LRIT3: variants seen among roughly 807,000 people sequenced by gnomAD.
The protein encoded by LRIT3 is leucine-rich repeat, immunoglobulin-like domain and transmembrane domain-containing protein 3.
A neutral mutation model predicts 22.6 loss-of-function variants in LRIT3; 14 were observed. That is an observed-to-expected ratio of 0.62 (90% CI 0.41 to 0.97). LRIT3 has a LOEUF of 0.97. Among genes scored for constraint, LRIT3 ranks in the 50% least tolerant of loss-of-function variants. LRIT3 has a pLI of 0.00. For synonymous variants in LRIT3, 306 were observed against 304.5 expected, an observed-to-expected ratio of 1.01 and a Z score of -0.05; for missense variants, 783 against 803.0, an observed-to-expected ratio of 0.98 and a Z score of 0.30.
chr4:109,851,624 C>T lies in LRIT3; in HGVS notation c.237C>T (p.Tyr79=). 1.3e-6 allele frequency: 2 copies of T among 1,551,728 alleles called. No homozygotes were observed. The highest frequency in any genetic ancestry group is 4.9e-5 in the East Asian group (2 of 40,910). The change falls in exon 2 of 4, where the codon TAC becomes TAT. Residue 79 remains tyrosine, a synonymous_variant. Coordinates refer to ENST00000594814, the MANE Select transcript of LRIT3 (RefSeq NM_198506.5). ...IRRISAEAFY[Y]LVELQYLWVT... ...GAATCTCTGCGGAGGCCTTCTATTA[C>T]CTGGTGGAGCTCCAGTATCTCTGGG...
In LRIT3 at chr4:109,851,942, AGTC is replaced by A. The variant is rs1259342232; in HGVS notation, c.556_558del (p.Val186del). The A allele has an allele frequency of 6.4e-7, 1 of 1,550,452 alleles. No homozygotes were observed. The highest frequency in any genetic ancestry group is 2.4e-5 in the East Asian group (1 of 40,906). ...CTCATTTAGTTTCAACACCTTCTGG[AGTC>A]CTGGACCTTTCCCCAAGCAGGATTA... On this transcript the variant is annotated inframe_deletion, in exon 2 of 4. Transcript: ENST00000594814.
Position 109,871,051 on chromosome 4 carries a change from A to T in LRIT3, c.*262A>T. ...TAAATTATTAATACTTTTTAGGGTAATGTTTTAGTTCTTAAAAATAAGTTC... is the reference window on the plus strand; with the variant it reads ...TAAATTATTAATACTTTTTAGGGTATTGTTTTAGTTCTTAAAAATAAGTTC... On this transcript the variant is annotated 3_prime_UTR_variant, in exon 4 of 4. Transcript: ENST00000594814. The T allele has an allele frequency of 3.2e-6, 1 of 309,314 alleles. No individual in the cohort carries two copies. The highest frequency in any genetic ancestry group is 5.8e-6 in the Non-Finnish European group (1 of 170,974). 19.2% of individuals were successfully genotyped at this position (309,314 alleles called of 1,614,324 possible).
In LRIT3 at chr4:109,870,103, T is replaced by G. The variant is rs747373676; in HGVS notation, c.1354T>G (p.Leu452Val). 6.2e-7 allele frequency: 1 copy of G among 1,613,890 alleles called. No homozygotes were observed. The highest frequency in any genetic ancestry group is 1.3e-5 in the African/African-American group (1 of 74,868). ...GCTCCACCAAGGTGGGAAAAGAAAT[T>G]TAAAGGTGGCAAAGAATGGAAGTAA... ...FQLHQGGKRN[L>V]KVAKNGSKLP... Residue 452 changes from leucine (L) to valine (V), a missense_variant, in exon 4 of 4, where the codon TTA (leucine) becomes GTA (valine). Physicochemically the swap from Leu to Val is conservative, Grantham distance 32. Coordinates refer to ENST00000594814, the MANE Select transcript of LRIT3 (RefSeq NM_198506.5).
chr4:109,859,357 G>A (rs1734480294), intron 2 of LRIT3, among the ~76,000 whole-genome samples: 1 of 152,186 alleles, frequency 6.6e-6, no homozygotes, highest in Non-Finnish European at 1.5e-5. Flanking sequence ...ACATCTGTAT[G>A]CAGAAGTACA....
rs113098639 is a variant in LRIT3, at chr4:109,867,946, G to C, written c.895G>C (p.Val299Leu). 49 of 1,604,628 alleles carry C rather than the reference G, an allele frequency of 3.1e-5. No homozygotes were observed. In the African/African-American group the frequency reaches 6.4e-4, roughly 21 times the overall value. The stretch of plus-strand genomic sequence containing the variant: ...TGACAGCTCGCCAGTTAATTATACA[G>C]GTATTTTCTTAATTCAGCCCCATGA... ...RSDSSPVNYT[V>L]IQESPEEGVR... The change falls in exon 3 of 4, where the codon GTA becomes CTA. Residue 299 changes from valine to leucine, a missense_variant and splice_region_variant. By Grantham distance (32) the Val-to-Leu change is conservative. This residue lies in a region of LRIT3 where 756 missense variants were observed against 753.8 expected (regional missense o/e 1.00). Transcript: ENST00000594814.
chr4:109,848,346 T>C (rs140857303), intron 1 of LRIT3, 29 bp downstream of exon 1: 3 of 1,173,574 alleles, frequency 2.6e-6, no homozygotes, highest in Non-Finnish European at 3.2e-6. Context: ...TACTAAGTGT[T>C]CTCATTATTT....
chr4:109,856,355 T>A (rs1225567539), intron 2 of LRIT3, among the ~76,000 whole-genome samples: 3 of 152,200 alleles, frequency 2.0e-5, no homozygotes, highest in African/African-American at 7.2e-5. Context: ...GATTGAATAA[T>A]ATTTTTTCCA....
intron 2 of LRIT3, among the ~76,000 whole-genome samples, chr4:109,862,806 C>T (rs550613492): frequency 6.6e-6 from 1 of 152,192 alleles, no homozygotes; most frequent in Non-Finnish European, 1.5e-5. Flanking sequence ...AACTCAGCCT[C>T]CTGGTAGCTG....
rs1389976727 is a variant in LRIT3 at position 109,851,951 on chromosome 4, C to T, written c.564C>T (p.Asp188=). The T allele has an allele frequency of 6.5e-7, 1 of 1,548,826 alleles. No homozygotes were observed. Among genetic ancestry groups the T allele is most frequent in the African/African-American group, 1.4e-5 (1 of 72,834 alleles). The change falls in exon 2 of 4, where the codon GAC becomes GAT. Residue 188 remains aspartate, a synonymous_variant. Coordinates refer to ENST00000594814, the MANE Select transcript of LRIT3 (RefSeq NM_198506.5). ...TTTCAACACCTTCTGGAGTCCTGGA[C>T]CTTTCCCCAAGCAGGATTATTCTTG... The part of the protein sequence containing the change: ...HLVSTPSGVL[D]LSPSRIILGL...
At chr4:109,866,670 C>T (rs1214899328) in intron 2 of LRIT3, among the ~76,000 whole-genome samples, 3 of 152,082 alleles carry the variant, frequency 2.0e-5, no homozygotes, top group Non-Finnish European at 4.4e-5. Context: ...TTTGATTTTC[C>T]ATGTGGACCA....
intron 2 of LRIT3, among the ~76,000 whole-genome samples, chr4:109,854,581 G>A (rs1351132572): frequency 6.6e-6 from 1 of 152,114 alleles, no homozygotes; most frequent in Non-Finnish European, 1.5e-5. Flanking sequence ...TTGCCTGATT[G>A]CCCTGGCCAG....
intron 1 of LRIT3, among the ~76,000 whole-genome samples, chr4:109,849,825 C>T (rs1212357930): frequency 1.3e-5 from 2 of 152,092 alleles, no homozygotes; most frequent in Admixed American, 1.3e-4. Context: ...GTTGGCCAGG[C>T]TGGTCTCAAA....
At chr4:109,866,246 C>G (rs1734677352) in intron 2 of LRIT3, among the ~76,000 whole-genome samples, 1 of 152,096 alleles carries the variant, frequency 6.6e-6, no homozygotes, top group Admixed American at 6.6e-5. Context: ...ATAATCCACT[C>G]CATTAGTAAA....
intron 2 of LRIT3, among the ~76,000 whole-genome samples, chr4:109,862,115 G>A (rs112469478): frequency 1.6e-4 from 24 of 152,248 alleles, no homozygotes; most frequent in African/African-American, 4.8e-4. Flanking sequence ...AGTAGGCATA[G>A]TCTTTGCCTT....
chr4:109,869,827 A>G lies in LRIT3; in HGVS notation c.1078A>G (p.Arg360Gly), dbSNP rs1734778996. ...TCCAATACCACCAGACACTTCTGAA[A>G]GAACTGGAGATCATCCTGAGTGGGA... ...TTPIPPDTSE[R>G]TGDHPEWDVQ... Residue 360 changes from arginine to glycine, a missense_variant, in exon 4 of 4, where the codon AGA (arginine) becomes GGA (glycine). Around this residue, in one of 2 missense-constraint regions of LRIT3, gnomAD observed 756 missense variants for 753.8 expected, o/e 1.00. Coordinates refer to ENST00000594814, the MANE Select transcript of LRIT3 (RefSeq NM_198506.5). 2 of 1,613,910 alleles carry G rather than the reference A, an allele frequency of 1.2e-6. No individual in the cohort carries two copies. Among genetic ancestry groups the G allele is most frequent in the African/African-American group, 2.7e-5 (2 of 74,928 alleles).
At chr4:109,868,556 A>C (rs1366531501) in intron 3 of LRIT3, among the ~76,000 whole-genome samples, 2 of 150,554 alleles carry the variant, frequency 1.3e-5, no homozygotes, top group African/African-American at 4.9e-5. Context: ...TGTCTTAAAA[A>C]AAAAAAAAAA....
At position 109,870,593 on chromosome 4, in the gene LRIT3, C is replaced by A. The variant is rs764460867; in HGVS notation, c.1844C>A (p.Pro615His). 4.3e-6 allele frequency: 7 copies of A among 1,613,500 alleles called. No homozygotes were observed. Among genetic ancestry groups the A allele is most frequent in the Non-Finnish European group, 5.1e-6 (6 of 1,179,714 alleles). Residue 615 changes from proline to histidine, a missense_variant, in exon 4 of 4, where the codon CCT becomes CAT. Pro to His is a moderately conservative substitution (Grantham distance 77). Transcript: ENST00000594814. ...KVCKLQCKSE[P>H]FWEDDLAKET... ...TGCAAACTGCAATGTAAATCAGAAC[C>A]TTTTTGGGAAGATGATTTGGCAAAG...
intron 3 of LRIT3, among the ~76,000 whole-genome samples, chr4:109,868,942 T>A (rs918350068): frequency 5.3e-5 from 8 of 152,176 alleles, no homozygotes; most frequent in Non-Finnish European, 1.0e-4. Context: ...TTATTATTAT[T>A]CTTTGAAAAG....
intron 2 of LRIT3, among the ~76,000 whole-genome samples, chr4:109,852,511 A>G (rs954080955): frequency 4.6e-5 from 7 of 152,216 alleles, no homozygotes; most frequent in African/African-American, 1.2e-4. Context: ...TGGTTCTCCT[A>G]ACTGATTTGG....
Sources: allele counts gnomAD v4.1 joint callset (sites outside exome capture counted in the v4.1 genomes callset), GRCh38; gene constraint gnomAD v4.1.1; regional missense constraint gnomAD v4.1.1; transcripts MANE v1.5; gene names NCBI Gene and HGNC (gene_info 2026-07-23, HGNC 2026-07-21).